The following OCIAD1 variants were observed in gnomAD, a reference collection of about 807,000 sequenced individuals.
OCIAD1 encodes OCIA domain containing 1.
OCIAD1 carries 29 observed loss-of-function variants against 38.9 expected under a neutral mutation model. The ratio of observed to expected loss-of-function variants is 0.74; its 90% CI spans 0.55 to 1.02. OCIAD1 has a LOEUF of 1.02. Ranked by LOEUF, OCIAD1 falls within the 50% of genes least tolerant of loss-of-function variation. The probability of loss-of-function intolerance (pLI) is 0.00; values close to 1 mark genes in which losing one functional copy is unlikely to be tolerated. For synonymous variants in OCIAD1, 110 were observed against 92.0 expected (o/e 1.20, Z -1.12); for missense variants, 288 against 289.6 (o/e 0.99, Z 0.04).
intron 1 of OCIAD1, among the ~76,000 whole-genome samples, chr4:48,822,872 T>C (rs1282509620): frequency 6.6e-6 from 1 of 152,186 alleles, no homozygotes; most frequent in East Asian, 1.9e-4. Context: ...ATGGTGATTA[T>C]TAAAAAGTCA....
At chr4:48,846,490 G>A (rs1295277821) in intron 4 of OCIAD1, among the ~76,000 whole-genome samples, 3 of 152,062 alleles carry the variant, frequency 2.0e-5, no homozygotes, top group Admixed American at 6.5e-5. Flanking sequence ...GGCTCATGCC[G>A]GTAATCCCAG....
intron 3 of OCIAD1, among the ~76,000 whole-genome samples, chr4:48,835,225 C>T (rs768967904): frequency 6.6e-6 from 1 of 152,022 alleles, no homozygotes; most frequent in Admixed American, 6.6e-5. Flanking sequence ...TGAGCCACTG[C>T]GCCTGGCCCT....
chr4:48,848,165 C>T (rs1339616589), intron 4 of OCIAD1, among the ~76,000 whole-genome samples: 1 of 151,812 alleles, frequency 6.6e-6, no homozygotes, highest in African/African-American at 2.4e-5. Flanking sequence ...GGTCTATTGA[C>T]CTTACATCAA....
At chr4:48,852,882 G>GTT (rs1439653723) in intron 7 of OCIAD1, among the ~76,000 whole-genome samples, 16 of 126,326 alleles carry the variant, frequency 1.3e-4, no homozygotes, top group East Asian at 4.4e-4. Context: ...TTTGTTTTTT[G>GTT]TTTTTTTTTT....
chr4:48,855,382 A>G (rs1364762103), intron 7 of OCIAD1, among the ~76,000 whole-genome samples: 1 of 152,252 alleles, frequency 6.6e-6, no homozygotes, highest in Non-Finnish European at 1.5e-5. Context: ...ATAAGGTTAT[A>G]ATATTTTTCT....
intron 3 of OCIAD1, among the ~76,000 whole-genome samples, chr4:48,834,820 A>G (rs1396757120): frequency 6.6e-6 from 1 of 152,160 alleles, no homozygotes; most frequent in Non-Finnish European, 1.5e-5. Flanking sequence ...ATTAAGGAGG[A>G]TGTATGTTTT....
chr4:48,852,882 G>GTTTTTTTT (rs1439653723), intron 7 of OCIAD1, among the ~76,000 whole-genome samples: 6 of 126,302 alleles, frequency 4.8e-5, no homozygotes, highest in Non-Finnish European at 6.6e-5. Flanking sequence ...TTTGTTTTTT[G>GTTTTTTTT]TTTTTTTTTT....
intron 8 of OCIAD1, among the ~76,000 whole-genome samples, chr4:48,859,527 A>G (rs1780414214): frequency 6.6e-6 from 1 of 152,198 alleles, no homozygotes; most frequent in Non-Finnish European, 1.5e-5. Flanking sequence ...AAGAAAGGAA[A>G]TTTGGTAGAC....
chr4:48,826,921 C>T (rs1357428710), upstream of OCIAD1, among the ~76,000 whole-genome samples: 1 of 152,114 alleles, frequency 6.6e-6, no homozygotes, highest in Non-Finnish European at 1.5e-5. Context: ...TATAAATAAC[C>T]TTTTTATTGC....
intron 8 of OCIAD1, among the ~76,000 whole-genome samples, chr4:48,858,451 CTGTT>C (rs1363358858): frequency 2.0e-5 from 3 of 151,706 alleles, no homozygotes; most frequent in East Asian, 1.9e-4. Flanking sequence ...TTTTTTTGTT[CTGTT>C]TGTTTGTTTT....
intron 1 of OCIAD1, among the ~76,000 whole-genome samples, chr4:48,816,109 C>A (rs1777139586): frequency 1.3e-5 from 2 of 152,190 alleles, no homozygotes; most frequent in African/African-American, 4.8e-5. Flanking sequence ...TACCTTCTTC[C>A]TGCTAGTCAC....
At chr4:48,833,148 G>A (rs1777669025) in intron 2 of OCIAD1, among the ~76,000 whole-genome samples, 1 of 152,142 alleles carries the variant, frequency 6.6e-6, no homozygotes, top group Non-Finnish European at 1.5e-5. Flanking sequence ...CTACTCGGAA[G>A]GCTGAGGCAG....
chr4:48,809,450 C>T (rs1177430444), intron 1 of OCIAD1, among the ~76,000 whole-genome samples: 1 of 152,082 alleles, frequency 6.6e-6, no homozygotes, highest in African/African-American at 2.4e-5. Flanking sequence ...TGCTTGAACC[C>T]GGCAGGTGGA....
intron 1 of OCIAD1, among the ~76,000 whole-genome samples, chr4:48,816,560 A>G (rs764818900): frequency 1.3e-4 from 20 of 152,156 alleles, no homozygotes; most frequent in Non-Finnish European, 2.4e-4. Context: ...GGAAGATAAT[A>G]AATACTGGCT....
chr4:48,854,473 G>A (rs149481955), intron 7 of OCIAD1, among the ~76,000 whole-genome samples: 2 of 152,278 alleles, frequency 1.3e-5, no homozygotes, highest in East Asian at 3.9e-4. Context: ...CAGATAAGGG[G>A]GCACTACTGT....
At chr4:48,823,864 G>T (rs1490096963) in intron 1 of OCIAD1, among the ~76,000 whole-genome samples, 1 of 113,820 alleles carries the variant, frequency 8.8e-6, no homozygotes, top group African/African-American at 3.4e-5. Context: ...ATGGAGTCTT[G>T]CTATGTTGCT....
At chr4:48,818,548 G>A (rs1777162825) in intron 1 of OCIAD1, among the ~76,000 whole-genome samples, 1 of 152,152 alleles carries the variant, frequency 6.6e-6, no homozygotes, top group African/African-American at 2.4e-5. Flanking sequence ...TCTCCAGCAA[G>A]GGCACAAAAC....
chr4:48,846,705 G>A (rs1779008114), intron 4 of OCIAD1, among the ~76,000 whole-genome samples: 1 of 150,042 alleles, frequency 6.7e-6, no homozygotes, highest in Non-Finnish European at 1.5e-5. Context: ...CTGAGATGGC[G>A]CCACTGCACT....
At chr4:48,845,913 A>G (rs748573737) in intron 4 of OCIAD1, among the ~76,000 whole-genome samples, 3 of 152,256 alleles carry the variant, frequency 2.0e-5, no homozygotes, top group Non-Finnish European at 4.4e-5. Context: ...GTTAACCTTC[A>G]ACAAATCTGT....
Sources: gnomAD v4.1 joint callset for allele counts (sites outside exome capture counted in the v4.1 genomes callset) on GRCh38, gnomAD v4.1.1 for gene constraint, MANE v1.5 for transcripts, NCBI Gene and HGNC (gene_info 2026-07-23, HGNC 2026-07-21) for gene names.